The following RCL1 variants were observed in gnomAD, a reference collection of about 807,000 sequenced individuals.
RCL1 encodes RNA terminal phosphate cyclase like 1, also known as RNA 3'-terminal phosphate cyclase-like protein.
RCL1 carries 24 observed loss-of-function variants against 42.4 expected under a neutral mutation model. The observed-to-expected ratio is 0.57, with a 90% CI of 0.41 to 0.80. RCL1 has a LOEUF of 0.80. Ranked by LOEUF, RCL1 falls within the 30% of genes least tolerant of loss-of-function variation. The probability of loss-of-function intolerance (pLI) is 0.00; values close to 1 mark genes in which losing one functional copy is unlikely to be tolerated. For missense variants in RCL1, 578 were observed against 467.9 expected (o/e 1.24, Z -2.17); for synonymous variants, 228 against 177.3 (o/e 1.29, Z -2.27).
intron 3 of RCL1, among the ~76,000 whole-genome samples, chr9:4,830,212 G>A (rs1419596065): frequency 6.6e-6 from 1 of 152,226 alleles, no homozygotes; most frequent in Non-Finnish European, 1.5e-5. Context: ...TATAAGGACA[G>A]GAACAGACTG....
intron 1 of RCL1, among the ~76,000 whole-genome samples, chr9:4,803,575 C>T (rs962318731): frequency 6.6e-6 from 1 of 152,134 alleles, no homozygotes; most frequent in Non-Finnish European, 1.5e-5. Flanking sequence ...TAGATCCAAT[C>T]ACAGATCCCA....
intron 1 of RCL1, among the ~76,000 whole-genome samples, chr9:4,814,774 T>C (rs1417419816): frequency 1.3e-5 from 2 of 152,202 alleles, no homozygotes; most frequent in Non-Finnish European, 2.9e-5. Context: ...TTTCTAGATG[T>C]AGGACCTTCT....
chr9:4,860,352 A>G lies in RCL1; in HGVS notation c.*77A>G. ...ACGGACACCAATGGGACCAAGTCCAAATGGATTAATCCAGGACAGAATAGC... is the reference window on the plus strand; with the variant it reads ...ACGGACACCAATGGGACCAAGTCCAGATGGATTAATCCAGGACAGAATAGC... On this transcript the variant is annotated 3_prime_UTR_variant, in exon 9 of 9. Coordinates refer to ENST00000381750, the MANE Select transcript of RCL1 (RefSeq NM_005772.5). 2.0e-6 allele frequency: 3 copies of G among 1,488,234 alleles called. No homozygotes were observed. Among genetic ancestry groups the G allele is most frequent in the South Asian group, 1.3e-5 (1 of 79,834 alleles). The allele number at this position is 1,488,234 out of a possible 1,614,324, so 92.2% of individuals were successfully genotyped here.
At chr9:4,852,241 G>C (rs1349410465) in intron 8 of RCL1, among the ~76,000 whole-genome samples, 2 of 152,062 alleles carry the variant, frequency 1.3e-5, no homozygotes, top group East Asian at 3.9e-4. Context: ...AAATACTGTT[G>C]GATAATCACT....
chr9:4,819,234 A>C (rs1375670252), intron 1 of RCL1, among the ~76,000 whole-genome samples: 1 of 152,222 alleles, frequency 6.6e-6, no homozygotes, highest in Non-Finnish European at 1.5e-5. Context: ...TTAGAGTCTC[A>C]CACGGAGCCA....
intron 5 of RCL1, among the ~76,000 whole-genome samples, chr9:4,835,568 T>C (rs1563847816): frequency 6.6e-6 from 1 of 152,316 alleles, no homozygotes; most frequent in East Asian, 1.9e-4. Flanking sequence ...AGTAACTTGA[T>C]GAAGCGAGAG....
chr9:4,816,143 G>T (rs1310591830), intron 1 of RCL1, among the ~76,000 whole-genome samples: 1 of 152,140 alleles, frequency 6.6e-6, no homozygotes, highest in African/African-American at 2.4e-5. Context: ...GTATTGGTCA[G>T]TTGGATATCC....
At chr9:4,857,931 C>CTTTTTTTTTTTTTTTTTTTTT (rs34470773) in intron 8 of RCL1, among the ~76,000 whole-genome samples, 3 of 103,046 alleles carry the variant, frequency 2.9e-5, no homozygotes, top group Admixed American at 1.2e-4. Context: ...AGCTCTCCCA[C>CTTTTTTTTTTTTTTTTTTTTT]TTTTTTTTTT....
chr9:4,818,198 G>C (rs1816460995), intron 1 of RCL1, among the ~76,000 whole-genome samples: 1 of 152,054 alleles, frequency 6.6e-6, no homozygotes, highest in Non-Finnish European at 1.5e-5. Context: ...TGGGATTACA[G>C]GCATAAGCCA....
intron 1 of RCL1, among the ~76,000 whole-genome samples, chr9:4,795,673 T>G (rs1842902545): frequency 6.6e-6 from 1 of 152,222 alleles, no homozygotes; most frequent in South Asian, 2.1e-4. Context: ...AATAAAATCT[T>G]CAGTTCTAAT....
intron 5 of RCL1, among the ~76,000 whole-genome samples, chr9:4,839,199 C>G (rs1277236281): frequency 6.6e-6 from 1 of 152,224 alleles, no homozygotes; most frequent in Non-Finnish European, 1.5e-5. Context: ...TTCTTCATTT[C>G]ATTGCCTGAG....
intron 7 of RCL1, among the ~76,000 whole-genome samples, chr9:4,845,461 C>T (rs1817481605): frequency 6.6e-6 from 1 of 152,210 alleles, no homozygotes; most frequent in Admixed American, 6.5e-5. Context: ...CATGCACACA[C>T]TTTTACTGTT....
At position 4,860,137 on chromosome 9, in the gene RCL1, G is replaced by C. The variant is rs766989590; in HGVS notation, c.984G>C (p.Leu328Phe). ...TTTTCCTTTTTAGGATAGAATTTTT[G>C]CGGCATTTGAAGAGCTTTTTCCAGA... Reference protein sequence around the residue: ...GPLSPYTIEFLRHLKSFFQIM... With the variant: ...GPLSPYTIEFFRHLKSFFQIM... The change falls in exon 9 of 9, where the codon TTG (leucine) becomes TTC (phenylalanine). Residue 328 changes from leucine to phenylalanine, a missense_variant. By Grantham distance (22) the Leu-to-Phe change is conservative (BLOSUM62 0). Transcript: ENST00000381750. 1 of 1,568,930 alleles carries C rather than the reference G, an allele frequency of 6.4e-7. No individual in the cohort carries two copies. Among genetic ancestry groups the C allele is most frequent in the South Asian group, 1.2e-5 (1 of 80,600 alleles).
chr9:4,793,464 T>C (rs956843731), intron 1 of RCL1, among the ~76,000 whole-genome samples: 1 of 152,218 alleles, frequency 6.6e-6, no homozygotes, highest in Non-Finnish European at 1.5e-5. Context: ...GGGGCGCTGG[T>C]AGTAAACAGC....
At chr9:4,811,558 C>G (rs1221474013) in intron 1 of RCL1, among the ~76,000 whole-genome samples, 3 of 152,100 alleles carry the variant, frequency 2.0e-5, no homozygotes, top group African/African-American at 2.4e-5. Flanking sequence ...ACATAATGTT[C>G]TACAAAAGCC....
intron 8 of RCL1, among the ~76,000 whole-genome samples, chr9:4,859,503 T>C (rs962775364): frequency 2.0e-5 from 3 of 152,166 alleles, no homozygotes; most frequent in African/African-American, 7.2e-5. Flanking sequence ...GAACAGTGCC[T>C]AGCATACAGT....
At chr9:4,825,729 G>A (rs1479797891) in intron 2 of RCL1, among the ~76,000 whole-genome samples, 1 of 152,078 alleles carries the variant, frequency 6.6e-6, no homozygotes, top group Admixed American at 6.5e-5. Flanking sequence ...ACATTGATAT[G>A]TAAATCTAGT....
At position 4,806,905 on chromosome 9, in the gene RCL1, G is replaced by T. The variant is rs568653049; in HGVS notation, c.136+13678G>T. On this transcript the variant is annotated intron_variant, in intron 1 of 8. Transcript: ENST00000381750. Reference sequence around the variant, plus strand: ...TCTTTTTTGGGAGTTTTTAGATTATGCATTTCATTTCCTGAATGTTTATAG... The same window carrying T: ...TCTTTTTTGGGAGTTTTTAGATTATTCATTTCATTTCCTGAATGTTTATAG... Among the ~76,000 whole-genome samples, 32 of 152,204 alleles carry T rather than the reference G, an allele frequency of 2.1e-4. 1 individual carries two copies. The South Asian group carries it at 6.6e-3, about 32-fold the overall frequency.
intron 1 of RCL1, among the ~76,000 whole-genome samples, chr9:4,822,815 T>G (rs1481273938): frequency 4.6e-5 from 7 of 152,066 alleles, no homozygotes; most frequent in Admixed American, 4.6e-4. Context: ...ACCCTGTCTC[T>G]TAAAAATAAA....
Sources: allele counts gnomAD v4.1 joint callset (sites outside exome capture counted in the v4.1 genomes callset), GRCh38; gene constraint gnomAD v4.1.1; transcripts MANE v1.5; gene names NCBI Gene and HGNC (gene_info 2026-07-23, HGNC 2026-07-21).